The following COG8 variants were observed in gnomAD, a reference collection of about 807,000 sequenced individuals.
COG8 encodes component of oligomeric golgi complex 8, also known as conserved oligomeric Golgi complex subunit 8.
A neutral mutation model predicts 46.5 loss-of-function variants in COG8; 45 were observed. The ratio of observed to expected loss-of-function variants is 0.97; its 90% CI spans 0.76 to 1.24. The LOEUF (loss-of-function observed/expected upper bound fraction) is 1.24. Ranked by LOEUF, COG8 falls within the 50% of genes most tolerant of loss-of-function variation. The pLI is 0.00. For synonymous variants in COG8, 407 were observed against 347.8 expected (o/e 1.17, Z -1.90); for missense variants, 793 against 820.8 (o/e 0.97, Z 0.41).
rs1010699876 is a variant in COG8 at position 69,330,617 on chromosome 16, G to A, written c.*26+196C>T. ...CCGGCCCGCCCCTTCCGGCCGCAGC[G>A]CGGGGCACGCCGGGAAGCGCCGTCG... On this transcript the variant is annotated intron_variant, in intron 5 of 5. Transcript: ENST00000306875. 8 of 1,408,364 alleles carry A rather than the reference G, an allele frequency of 5.7e-6. No individual in the cohort carries two copies. The African/African-American group carries it at 7.6e-5, about 13-fold the overall frequency. The allele number at this position is 1,408,364 out of a possible 1,614,324, so 87.2% of individuals were successfully genotyped here.
intron 5 of COG8, among the ~76,000 whole-genome samples, chr16:69,329,466 C>T (rs897763772): frequency 6.6e-6 from 1 of 152,244 alleles, no homozygotes; most frequent in Non-Finnish European, 1.5e-5. Flanking sequence ...ACTCCTCCCA[C>T]TTCTGAGGTA....
chr16:69,339,250 G>A lies in COG8; in HGVS notation c.303C>T (p.His101=). The A allele has an allele frequency of 6.2e-7, 1 of 1,612,746 alleles. No individual in the cohort carries two copies. Among genetic ancestry groups the A allele is most frequent in the Non-Finnish European group, 8.5e-7 (1 of 1,179,822 alleles). Residue 101 remains histidine, a synonymous_variant, in exon 1 of 6, where the codon CAC becomes CAT. Coordinates refer to ENST00000306875, the MANE Select transcript of COG8 (RefSeq NM_032382.5). ...IRGAECTERI[H]RLFGDVEASL... The stretch of plus-strand genomic sequence containing the variant: ...ACGCCTCCACGTCGCCAAACAGGCG[G>A]TGGATGCGCTCGGTGCACTCGGCGC...
At position 69,339,542 on chromosome 16, in the gene COG8, G is replaced by T. The variant is rs750023528; in HGVS notation, c.11C>A (p.Ala4Glu). 3.7e-6 allele frequency: 6 copies of T among 1,608,890 alleles called. No homozygotes were observed. The highest frequency in any genetic ancestry group is 1.3e-5 in the African/African-American group (1 of 74,996). MAT[A>E]ATIPSVATAT... ...CGTGGCTACCGATGGGATAGTCGCC[G>T]CGGTCGCCATCTTCCCAGCAACAAC... is the stretch of plus-strand genomic sequence containing the variant. The change falls in exon 1 of 6, where the codon GCG (alanine) becomes GAG (glutamate). Residue 4 changes from alanine to glutamate, a missense_variant. Transcript: ENST00000306875.
At position 69,336,507 on chromosome 16, in the gene COG8, G is replaced by A. The variant is rs1363053386; in HGVS notation, c.583C>T (p.Gln195Ter). 1.2e-6 allele frequency: 2 copies of A among 1,613,802 alleles called. No individual in the cohort carries two copies. Among genetic ancestry groups the A allele is most frequent in the Admixed American group, 1.7e-5 (1 of 60,000 alleles). The change falls in exon 2 of 6, where the codon CAG (glutamine) becomes TAG (stop). Residue 195 changes from glutamine to a stop codon, truncating the protein, a stop_gained and splice_region_variant. Transcript: ENST00000306875. LOFTEE classifies it high-confidence loss of function. ...TCCTCTCTGGGCAAGGTGGCTACCT[G>A]GATGACAGGGATGGAAGAGTATTTC... The part of the protein sequence containing the change: ...ERKYSSIPVI[Q>*]GIVNEVRQSM...
intron 4 of COG8, among the ~76,000 whole-genome samples, chr16:69,331,453 C>CA (rs1185929938): frequency 0.064 from 3,734 of 58,498 alleles, 99 homozygotes; most frequent in East Asian, 0.18. Flanking sequence ...AACTCCGTCT[C>CA]AAAAAAAAAA....
Position 69,336,620 on chromosome 16 carries a change from T to C in COG8, c.470A>G (p.Glu157Gly). 1 of 1,614,162 alleles carries C rather than the reference T, an allele frequency of 6.2e-7. No individual in the cohort carries two copies. Among genetic ancestry groups the C allele is most frequent in the Non-Finnish European group, 8.5e-7 (1 of 1,180,020 alleles). ...NRHTEILEILEIPQLMDTCVR... is the reference protein window; with the variant it reads ...NRHTEILEILGIPQLMDTCVR... ...ACAGGTGTCCATGAGCTGAGGAATC[T>C]CCAGTATTTCCAAAATTTCTGTGTG... is the stretch of plus-strand genomic sequence containing the variant. Residue 157 changes from glutamate to glycine, a missense_variant, in exon 2 of 6, where the codon GAG (glutamate) becomes GGG (glycine). Coordinates refer to ENST00000306875, the MANE Select transcript of COG8 (RefSeq NM_032382.5).
intron 1 of COG8, among the ~76,000 whole-genome samples, chr16:69,337,527 C>G (rs2012273013): frequency 6.6e-6 from 1 of 152,168 alleles, no homozygotes; most frequent in Non-Finnish European, 1.5e-5. Flanking sequence ...TAATGTTCAA[C>G]CATAGTTCCT....
chr16:69,331,126 A>G (rs368338806), intron 4 of COG8, 31 bp from the exon 5 acceptor site: 154 of 1,612,162 alleles, frequency 9.6e-5, no homozygotes, highest in Non-Finnish European at 9.9e-5. Context: ...GCAAAATGGA[A>G]AACAGTTACT....
At chr16:69,338,951 G>C in intron 1 of COG8, 1 of 620,198 alleles carries the variant, frequency 1.6e-6, no homozygotes, top group Non-Finnish European at 2.7e-6. Context: ...CCGAGATCTC[G>C]CCACTGCACT....
chr16:69,330,719 C>G (rs2011751130), intron 5 of COG8, 94 bp downstream of exon 5: 34 of 1,416,092 alleles, frequency 2.4e-5, no homozygotes, highest in Non-Finnish European at 3.0e-5. Context: ...CCCTTCCGCT[C>G]TCCTCCCGGG....
intron 2 of COG8, 46 bp downstream of exon 2, chr16:69,336,459 G>T (rs1247889175): frequency 1.9e-6 from 3 of 1,569,410 alleles, no homozygotes; most frequent in Non-Finnish European, 1.8e-6. Flanking sequence ...CAGAATAAAT[G>T]ATTACAAGAA....
chr16:69,334,473 T>C (rs1380614263), intron 3 of COG8, 48 bp downstream of exon 3: 3 of 1,527,760 alleles, frequency 2.0e-6, no homozygotes, highest in Non-Finnish European at 2.7e-6. Context: ...TGGCCACCCA[T>C]TACCAGAGAA....
intron 5 of COG8, chr16:69,330,569 A>T (rs920637612): frequency 4.7e-5 from 68 of 1,459,450 alleles, no homozygotes; most frequent in Non-Finnish European, 5.9e-5. Context: ...CAGCCGGGCC[A>T]TGGCGGCCCC....
Position 69,335,189 on chromosome 16 carries a change from G to A in COG8, c.745C>T (p.Gln249Ter). 2 of 1,614,214 alleles carry A rather than the reference G, an allele frequency of 1.2e-6. No homozygotes were observed. The highest frequency in any genetic ancestry group is 1.7e-6 in the Non-Finnish European group (2 of 1,180,042). ...TEAELRVKFLQARDAWLRSIL... is the reference protein window; with the variant it reads ...TEAELRVKFL ...GACCGGAGCCAAGCATCTCGGGCCT[G>A]AAGAAACTTCACCCTCAACTCAGCC... is the stretch of plus-strand genomic sequence containing the variant. Residue 249 changes from glutamine (Q) to a stop codon, truncating the protein, a stop_gained, in exon 3 of 6, where the codon CAG (glutamine) becomes TAG (stop). Coordinates refer to ENST00000306875, the MANE Select transcript of COG8 (RefSeq NM_032382.5). LOFTEE classifies it high-confidence loss of function.
In COG8 at chr16:69,334,988, G is replaced by T; in HGVS notation, c.946C>A (p.His316Asn). 6.2e-7 allele frequency: 1 copy of T among 1,614,196 alleles called. No homozygotes were observed. The highest frequency in any genetic ancestry group is 8.5e-7 in the Non-Finnish European group (1 of 1,180,044). Reference sequence around the variant, plus strand: ...GAGACCTTCTGTAGCACCCAGCCATGGAAGATGGCACTCTCATTCACAGTG... The same window carrying T: ...GAGACCTTCTGTAGCACCCAGCCATTGAAGATGGCACTCTCATTCACAGTG... ...EHTVNESAIF[H>N]GWVLQKVSQF... The change falls in exon 3 of 6, where the codon CAT becomes AAT. Residue 316 changes from histidine to asparagine, a missense_variant. Transcript: ENST00000306875.
chr16:69,339,464 A>C lies in COG8; in HGVS notation c.89T>G (p.Leu30Arg). The stretch of plus-strand genomic sequence containing the variant: ...GGCCTCGGGGAAGCGGTCCCGGAAC[A>C]GCGACGCCAGGAGCCCTTCATCCTC... ...EVEDEGLLAS[L>R]FRDRFPEAQW... Residue 30 changes from leucine (L) to arginine (R), a missense_variant, in exon 1 of 6, where the codon CTG (leucine) becomes CGG (arginine). Coordinates refer to ENST00000306875, the MANE Select transcript of COG8 (RefSeq NM_032382.5). 1 of 1,600,258 alleles carries C rather than the reference A, an allele frequency of 6.2e-7. No homozygotes were observed. The highest frequency in any genetic ancestry group is 8.5e-7 in the Non-Finnish European group (1 of 1,178,338).
Position 69,335,188 on chromosome 16 carries a change from T to C in COG8, c.746A>G (p.Gln249Arg). 1 of 1,614,166 alleles carries C rather than the reference T, an allele frequency of 6.2e-7. No homozygotes were observed. Among genetic ancestry groups the C allele is most frequent in the Non-Finnish European group, 8.5e-7 (1 of 1,180,022 alleles). The change falls in exon 3 of 6, where the codon CAG (glutamine) becomes CGG (arginine). Residue 249 changes from glutamine to arginine, a missense_variant. Gln to Arg is a conservative substitution (Grantham distance 43, BLOSUM62 1). Transcript: ENST00000306875. The part of the protein sequence containing the change: ...TEAELRVKFL[Q>R]ARDAWLRSIL... ...GGACCGGAGCCAAGCATCTCGGGCC[T>C]GAAGAAACTTCACCCTCAACTCAGC...
intron 2 of COG8, among the ~76,000 whole-genome samples, chr16:69,335,741 G>A (rs71397911): frequency 1.3e-5 from 2 of 151,672 alleles, no homozygotes; most frequent in Admixed American, 6.6e-5. Context: ...ACTTGAACCC[G>A]GGAGATAAAG....
In COG8 at chr16:69,329,898, GGT is replaced by G. The variant is rs1423569966; in HGVS notation, c.*27-721_*27-720del. 26 of 1,356,890 alleles carry G rather than the reference GGT, an allele frequency of 1.9e-5. No individual in the cohort carries two copies. In the African/African-American group the frequency reaches 3.5e-4, roughly 18 times the overall value. 84.1% of individuals were successfully genotyped at this position (1,356,890 alleles called of 1,614,324 possible). ...CGCATCCCACTTCGCTCCTGCGGGA[GGT>G]CCGGCGTATGAACCGCGACCACTTC... On this transcript the variant is annotated intron_variant, in intron 5 of 5. Coordinates refer to ENST00000306875, the MANE Select transcript of COG8 (RefSeq NM_032382.5).
Sources: gnomAD v4.1 joint callset for allele counts (sites outside exome capture counted in the v4.1 genomes callset) on GRCh38, gnomAD v4.1.1 for gene constraint, MANE v1.5 for transcripts, NCBI Gene and HGNC (gene_info 2026-07-23, HGNC 2026-07-21) for gene names.